TENM1: variants seen among roughly 807,000 people sequenced by gnomAD.
The protein encoded by TENM1 is teneurin transmembrane protein 1.
A neutral mutation model predicts 174.8 loss-of-function variants in TENM1; 35 were observed. The observed-to-expected ratio is 0.20, with a 90% CI of 0.15 to 0.27. The LOEUF (loss-of-function observed/expected upper bound fraction) is 0.27. Ranked by LOEUF, TENM1 falls within the 10% of genes least tolerant of loss-of-function variation. TENM1 has a pLI of 1.00. For missense variants in TENM1, 1,633 were observed against 2,130.1 expected (o/e 0.77, Z 4.59); for synonymous variants, 781 against 798.7 (o/e 0.98, Z 0.37).
At chrX:124,828,040 T>C (rs2056206801) in intron 3 of TENM1, among the ~76,000 whole-genome samples, 1 of 111,732 alleles carries the variant, frequency 8.9e-6, no homozygotes, top group African/African-American at 3.2e-5. Flanking sequence ...AAGTAGAGAA[T>C]TAAAACTTAT....
chrX:124,937,781 C>T (rs1316224509), intron 1 of TENM1, among the ~76,000 whole-genome samples: 1 of 111,774 alleles, frequency 8.9e-6, no homozygotes, highest in Non-Finnish European at 1.9e-5. Context: ...ATTTAAAGGG[C>T]TATTTTTCAT....
At chrX:125,039,912 G>A in the TENM1 span, among the ~76,000 whole-genome samples, 1 of 111,007 alleles carries the variant, frequency 9.0e-6, no homozygotes, top group Non-Finnish European at 1.9e-5. Context: ...TAAAATAATT[G>A]TAACTACATT....
the TENM1 span, among the ~76,000 whole-genome samples, chrX:125,010,456 A>C: frequency 9.1e-6 from 1 of 109,939 alleles, no homozygotes; most frequent in South Asian, 4.0e-4. Context: ...TACTGCCCAA[A>C]GTAATTTTTA....
chrX:124,713,451 G>A (rs991192450), intron 4 of TENM1, among the ~76,000 whole-genome samples: 25 of 110,705 alleles, frequency 2.3e-4, no homozygotes, highest in African/African-American at 8.2e-4. Flanking sequence ...TATTTTTGGT[G>A]GAGATGGGGT....
the TENM1 span, among the ~76,000 whole-genome samples, chrX:125,145,312 C>T: frequency 9.0e-6 from 1 of 111,549 alleles, no homozygotes; most frequent in Non-Finnish European, 1.9e-5. Context: ...TTCTCAATTG[C>T]TATAAGTAGT....
chrX:124,965,823 G>A (rs1403644389), upstream of TENM1, among the ~76,000 whole-genome samples: 4 of 111,364 alleles, frequency 3.6e-5, no homozygotes, highest in Non-Finnish European at 7.5e-5. Context: ...TCTTGACCCT[G>A]AGCCACAACT....
Position 124,411,337 on chromosome X carries a change from ATGTG to A in TENM1, c.4983-4852_4983-4849del, listed in dbSNP as rs35094942. On this transcript the variant is annotated intron_variant, in intron 25 of 31. Coordinates refer to ENST00000422452, the Ensembl canonical transcript of TENM1. ...TATATGTGTGTGTTTGTGTGTGTGT[ATGTG>A]TGTGTGTGTGTGTGCACGCACGTGT... Among the ~76,000 whole-genome samples, 555 of 108,278 alleles carry A rather than the reference ATGTG, an allele frequency of 5.1e-3. 4 individuals are homozygous for A. The highest frequency in any genetic ancestry group is 0.017 in the African/African-American group (506 of 29,765). 94.0% of individuals were successfully genotyped at this position (108,278 alleles called of 115,157 possible). A position where few individuals can be genotyped will look rare whatever the true frequency, so the allele number is the denominator to read the frequency against.
the TENM1 span, among the ~76,000 whole-genome samples, chrX:125,109,835 A>T: frequency 9.0e-6 from 1 of 111,579 alleles, no homozygotes; most frequent in Non-Finnish European, 1.9e-5. Context: ...GCAGAGAGGA[A>T]ATAGTCGGGC....
intron 3 of TENM1, among the ~76,000 whole-genome samples, chrX:124,778,578 A>G (rs1455049808): frequency 8.9e-6 from 1 of 112,223 alleles, no homozygotes; most frequent in African/African-American, 3.2e-5. Flanking sequence ...TTCTAAAGGT[A>G]TGTCAGCTTA....
At chrX:124,808,082 G>A (rs755531038) in intron 3 of TENM1, among the ~76,000 whole-genome samples, 2 of 111,732 alleles carry the variant, frequency 1.8e-5, no homozygotes, top group Non-Finnish European at 3.8e-5. Flanking sequence ...CTGCCTACAA[G>A]AGACATATAT....
At chrX:125,050,309 C>G in the TENM1 span, among the ~76,000 whole-genome samples, 1 of 109,608 alleles carries the variant, frequency 9.1e-6, no homozygotes, top group African/African-American at 3.3e-5. Context: ...TATCCCTCCC[C>G]CCTGCCCCCA....
the TENM1 span, among the ~76,000 whole-genome samples, chrX:125,135,165 GT>G: frequency 0.24 from 26,765 of 110,516 alleles, 2,796 homozygotes; most frequent in African/African-American, 0.37. Context: ...GTTGCAAAAT[GT>G]TTTTTTATCA....
chrX:124,781,143 TTTTG>T (rs1025492137), intron 3 of TENM1, among the ~76,000 whole-genome samples: 2 of 112,137 alleles, frequency 1.8e-5, no homozygotes, highest in African/African-American at 6.5e-5. Context: ...AAGGGTTATT[TTTTG>T]TTTGTCTCAT....
intron 1 of TENM1, among the ~76,000 whole-genome samples, chrX:124,904,134 T>C (rs1240483859): frequency 9.0e-6 from 1 of 111,314 alleles, no homozygotes; most frequent in African/African-American, 3.3e-5. Context: ...TCTAGAGAAG[T>C]GAGATCAATG....
At chrX:124,896,857 A>AT (rs1010888393) in intron 1 of TENM1, among the ~76,000 whole-genome samples, 1 of 111,613 alleles carries the variant, frequency 9.0e-6, no homozygotes, top group Non-Finnish European at 1.9e-5. Context: ...TATGTAATTC[A>AT]TTTTTTTCCA....
intron 3 of TENM1, among the ~76,000 whole-genome samples, chrX:124,852,001 G>A (rs2056728655): frequency 9.0e-6 from 1 of 111,496 alleles, no homozygotes; most frequent in South Asian, 3.7e-4. Context: ...GCTGCTATCT[G>A]AACTGGCTAT....
chrX:124,755,556 G>T (rs867896986), intron 3 of TENM1, among the ~76,000 whole-genome samples: 4 of 109,750 alleles, frequency 3.6e-5, no homozygotes, highest in African/African-American at 9.9e-5. Flanking sequence ...GATTTTGCTC[G>T]TTAGTTGATG....
the TENM1 span, among the ~76,000 whole-genome samples, chrX:125,200,861 A>G: frequency 9.0e-6 from 1 of 111,500 alleles, no homozygotes; most frequent in Non-Finnish European, 1.9e-5. Context: ...ACCATAATCT[A>G]TACCAACTAC....
At chrX:124,589,111 CA>C (rs1377821766) in intron 11 of TENM1, among the ~76,000 whole-genome samples, 1 of 90,153 alleles carries the variant, frequency 1.1e-5, no homozygotes, top group East Asian at 3.5e-4. Flanking sequence ...TTTTTTTTAT[CA>C]TGAAGGTATT....
Sources: allele counts gnomAD v4.1 joint callset (sites outside exome capture counted in the v4.1 genomes callset), GRCh38; gene constraint gnomAD v4.1.1; transcripts MANE v1.5; gene names NCBI Gene and HGNC (gene_info 2026-07-23, HGNC 2026-07-21).